ANKRD44: variants seen among roughly 807,000 people sequenced by gnomAD.
ANKRD44 encodes ankyrin repeat domain 44, also known as serine/threonine-protein phosphatase 6 regulatory ankyrin repeat subunit B.
A neutral mutation model predicts 116.0 loss-of-function variants in ANKRD44; 35 were observed. That is an observed-to-expected ratio of 0.30 (90% CI 0.23 to 0.40). The LOEUF (loss-of-function observed/expected upper bound fraction) is 0.40. ANKRD44 is among the 10% of genes least tolerant of loss of function. ANKRD44 has a pLI of 1.00. For missense variants in ANKRD44, 1,014 were observed against 1,242.6 expected, an observed-to-expected ratio of 0.82 and a Z score of 2.77; for synonymous variants, 435 against 461.8, an observed-to-expected ratio of 0.94 and a Z score of 0.74.
At chr2:197,092,502 T>G (rs1009744105) in intron 10 of ANKRD44, among the ~76,000 whole-genome samples, 5 of 152,242 alleles carry the variant, frequency 3.3e-5, no homozygotes, top group Non-Finnish European at 5.9e-5. Context: ...CTGACAGCAA[T>G]TAACCACTGT....
Position 196,988,992 on chromosome 2 carries a change from G to C in ANKRD44, c.*599C>G, listed in dbSNP as rs1390721467. On this transcript the variant is annotated 3_prime_UTR_variant, in exon 28 of 28. Coordinates refer to ENST00000282272, the MANE Select transcript of ANKRD44 (RefSeq NM_001195144.2). The stretch of plus-strand genomic sequence containing the variant: ...TCTTCTAAGCTCTAAGCTGGCTACA[G>C]ACTGTGGCTGAGCAGTAGAAGATGC... 2 of 985,360 alleles carry C rather than the reference G, an allele frequency of 2.0e-6. No homozygotes were observed. Among genetic ancestry groups the C allele is most frequent in the Non-Finnish European group, 2.4e-6 (2 of 829,964 alleles). The allele number at this position is 985,360 out of a possible 1,614,324, so 61.0% of individuals were successfully genotyped here.
chr2:197,252,957 T>C (rs1438860243), intron 1 of ANKRD44, among the ~76,000 whole-genome samples: 1 of 152,228 alleles, frequency 6.6e-6, no homozygotes. Flanking sequence ...TAAAAGCTCT[T>C]TGTAAGCTGA....
chr2:197,122,524 A>G, intron 7 of ANKRD44, 126 bp downstream of exon 7: 2 of 1,326,510 alleles, frequency 1.5e-6, no homozygotes, highest in Non-Finnish European at 2.0e-6. Context: ...CAAAAACTCA[A>G]AAAGACAGGA....
chr2:197,260,145 A>T (rs1289224438), intron 1 of ANKRD44, among the ~76,000 whole-genome samples: 1 of 152,222 alleles, frequency 6.6e-6, no homozygotes, highest in Non-Finnish European at 1.5e-5. Context: ...CAGGTTTGTT[A>T]CATATGTATA....
At chr2:197,171,993 TTTC>T (rs147491203) in intron 2 of ANKRD44, among the ~76,000 whole-genome samples, 76,884 of 131,458 alleles carry the variant, frequency 0.58, 24,064 homozygotes, top group East Asian at 0.88. Flanking sequence ...GTCCGTTATT[TTTC>T]TTCTTTTTTT....
chr2:197,048,638 C>A (rs191733786), intron 16 of ANKRD44, among the ~76,000 whole-genome samples: 2 of 152,072 alleles, frequency 1.3e-5, no homozygotes, highest in Admixed American at 1.3e-4. Flanking sequence ...TGAATAGTGC[C>A]GCAATAAACA....
In ANKRD44 at chr2:196,990,598, G is replaced by A. The variant is rs1028003012; in HGVS notation, c.2924-949C>T. ...GAAGCCCAGGCCCCAAATAATACTT[G>A]AATACAACATAAACCTGGAATTCAA... On this transcript the variant is annotated intron_variant, in intron 27 of 27. Coordinates refer to ENST00000282272, the MANE Select transcript of ANKRD44 (RefSeq NM_001195144.2). 1.1e-5 allele frequency: 14 copies of A among 1,231,040 alleles called. No homozygotes were observed. The African/African-American group carries it at 2.0e-4, about 18-fold the overall frequency. The allele number at this position is 1,231,040 out of a possible 1,614,324, so 76.3% of individuals were successfully genotyped here. A position where few individuals can be genotyped will look rare whatever the true frequency, so the allele number is the denominator to read the frequency against.
At position 197,203,031 on chromosome 2, in the gene ANKRD44, G is replaced by A. The variant is rs1259398037; in HGVS notation, c.28-15925C>T. Among the ~76,000 whole-genome samples, 1 of 152,096 alleles carries A rather than the reference G, an allele frequency of 6.6e-6. No individual in the cohort carries two copies. Among genetic ancestry groups the A allele is most frequent in the Non-Finnish European group, 1.5e-5 (1 of 68,022 alleles). On this transcript the variant is annotated intron_variant, in intron 1 of 27. Transcript: ENST00000282272. This position sits in a 1 kb window ranked among gnomAD's most constrained non-coding sequence, Gnocchi z 4.1. Reference sequence around the variant, plus strand: ...AAATCCTAGCACAAGCGCTTGCAAAGGCTCTCCAGGTGACTCATACAGCTT... The same window carrying A: ...AAATCCTAGCACAAGCGCTTGCAAAAGCTCTCCAGGTGACTCATACAGCTT...
At chr2:197,250,214 T>C (rs2105653348) in intron 1 of ANKRD44, among the ~76,000 whole-genome samples, 1 of 152,258 alleles carries the variant, frequency 6.6e-6, no homozygotes, top group East Asian at 1.9e-4. Context: ...TTGGCAGCCA[T>C]CTCCTTGTGA....
At position 197,103,412 on chromosome 2, in the gene ANKRD44, G is replaced by A. The variant is rs1317212467; in HGVS notation, c.986-3482C>T. ...CTTTTGGAGTTTATCTTGGTGGTGTGTTTGTTGACTGACTAAATAAATGTT... is the reference window on the plus strand; with the variant it reads ...CTTTTGGAGTTTATCTTGGTGGTGTATTTGTTGACTGACTAAATAAATGTT... On this transcript the variant is annotated intron_variant, in intron 9 of 27. Transcript: ENST00000282272. Among the ~76,000 whole-genome samples the A allele has an allele frequency of 2.0e-5, 3 of 152,104 alleles. No homozygotes were observed. In the East Asian group the frequency reaches 5.8e-4, roughly 29 times the overall value.
intron 1 of ANKRD44, among the ~76,000 whole-genome samples, chr2:197,235,701 C>T (rs1351902823): frequency 6.7e-6 from 1 of 149,186 alleles, no homozygotes; most frequent in African/African-American, 2.5e-5. Context: ...ATAAATAATA[C>T]AATACAAATA....
chr2:197,029,398 G>T, intron 16 of ANKRD44: 1 of 279,730 alleles, frequency 3.6e-6, no homozygotes. Flanking sequence ...TGCTTGAAGG[G>T]CTCTTTGGAG....
Position 196,988,321 on chromosome 2 carries a change from G to A in ANKRD44, c.*1270C>T, listed in dbSNP as rs2075862657. The stretch of plus-strand genomic sequence containing the variant: ...ACCTCTCTTAATTTTCAGTGTTTTG[G>A]TAAAGATAAGGTCATTATTGCTCAT... On this transcript the variant is annotated 3_prime_UTR_variant, in exon 28 of 28. Coordinates refer to ENST00000282272, the MANE Select transcript of ANKRD44 (RefSeq NM_001195144.2). 1 of 985,186 alleles carries A rather than the reference G, an allele frequency of 1.0e-6. No homozygotes were observed. The highest frequency in any genetic ancestry group is 6.1e-5 in the Admixed American group (1 of 16,262). 61.0% of individuals were successfully genotyped at this position (985,186 alleles called of 1,614,324 possible).
intron 16 of ANKRD44, among the ~76,000 whole-genome samples, chr2:197,064,437 A>C (rs904227944): frequency 1.3e-5 from 2 of 152,238 alleles, no homozygotes; most frequent in Non-Finnish European, 2.9e-5. Context: ...ACAGGATCAA[A>C]TTCACACATA....
rs181293274 is a variant in ANKRD44, at chr2:197,131,792, A to G, written c.261+4800T>C. Reference sequence around the variant, plus strand: ...AAAAGCCACACTTTGTACACACTTTAGGCCTCCTGTAGCACACTTAACAAT... The same window carrying G: ...AAAAGCCACACTTTGTACACACTTTGGGCCTCCTGTAGCACACTTAACAAT... On this transcript the variant is annotated intron_variant, in intron 4 of 27. Coordinates refer to ENST00000282272, the MANE Select transcript of ANKRD44 (RefSeq NM_001195144.2). Among the ~76,000 whole-genome samples the G allele has an allele frequency of 1.2e-3, 179 of 152,330 alleles. 1 individual carries two copies. The highest frequency in any genetic ancestry group is 4.2e-3 in the African/African-American group (175 of 41,574).
chr2:196,969,645 G>A (rs1559387629), intron 21 of ANKRD44, among the ~76,000 whole-genome samples: 1 of 152,146 alleles, frequency 6.6e-6, no homozygotes, highest in Admixed American at 6.6e-5. Context: ...CATCTACATG[G>A]CTAATGGTAG....
chr2:197,287,302 T>C lies in ANKRD44; in HGVS notation c.27+23276A>G, dbSNP rs567230267. Among the ~76,000 whole-genome samples, 148 of 152,174 alleles carry C rather than the reference T, an allele frequency of 9.7e-4. 1 individual carries two copies. Among genetic ancestry groups the C allele is most frequent in the Non-Finnish European group, 1.8e-3 (123 of 67,998 alleles). ...TACCTTCTAGATGTTCTAAATAATA[T>C]CATGTATCCTCCAACTGATTAAAAA... On this transcript the variant is annotated intron_variant, in intron 1 of 27. Coordinates refer to ENST00000282272, the MANE Select transcript of ANKRD44 (RefSeq NM_001195144.2).
Position 197,307,079 on chromosome 2 carries a change from A to C in ANKRD44, c.27+3499T>G, listed in dbSNP as rs2084094324. The stretch of plus-strand genomic sequence containing the variant: ...CACTTAAAATGACTACAGTGCCTTT[A>C]ACTATATGACATAAAGAACACCCTA... On this transcript the variant is annotated intron_variant, in intron 1 of 27. Transcript: ENST00000282272. Among the ~76,000 whole-genome samples the C allele has an allele frequency of 2.0e-5, 3 of 152,212 alleles. No homozygotes were observed. In the South Asian group the frequency reaches 6.2e-4, roughly 31 times the overall value.
At chr2:197,270,764 G>A (rs1321076900) in intron 1 of ANKRD44, among the ~76,000 whole-genome samples, 1 of 152,216 alleles carries the variant, frequency 6.6e-6, no homozygotes, top group Non-Finnish European at 1.5e-5. Context: ...CAATATGGCA[G>A]AAAGTGGGTA....
Sources: allele counts gnomAD v4.1 joint callset (sites outside exome capture counted in the v4.1 genomes callset), GRCh38; gene constraint gnomAD v4.1.1; non-coding constraint Gnocchi (gnomAD v3.1); transcripts MANE v1.5; gene names NCBI Gene and HGNC (gene_info 2026-07-23, HGNC 2026-07-21).